The following ATRX variants were observed in gnomAD, a reference collection of about 807,000 sequenced individuals.
ATRX encodes the protein chromatin remodeler ATRX.
ATRX carries 12 observed loss-of-function variants against 172.6 expected under a neutral mutation model. That is an observed-to-expected ratio of 0.07 (90% CI 0.04 to 0.11). The LOEUF is 0.11. ATRX is among the 10% of genes least tolerant of loss of function. The probability of loss-of-function intolerance (pLI) is 1.00; values close to 1 mark genes in which losing one functional copy is unlikely to be tolerated. For missense variants in ATRX, 1,368 were observed against 1,767.4 expected (o/e 0.77, Z 4.05); for synonymous variants, 674 against 594.7 (o/e 1.13, Z -1.94).
chrX:77,612,604 A>G (rs1408821546), intron 22 of ATRX, among the ~76,000 whole-genome samples: 1 of 111,703 alleles, frequency 9.0e-6, no homozygotes, highest in African/African-American at 3.3e-5. Context: ...AATAAAATAA[A>G]AAATTTACTG....
At chrX:77,765,106 G>A (rs1218133217) in intron 1 of ATRX, among the ~76,000 whole-genome samples, 1 of 111,166 alleles carries the variant, frequency 9.0e-6, no homozygotes, top group African/African-American at 3.3e-5. Context: ...GGTGGAGGTT[G>A]CAGTGAGCCG....
intron 15 of ATRX, among the ~76,000 whole-genome samples, chrX:77,638,880 T>C (rs1246240271): frequency 8.9e-6 from 1 of 112,436 alleles, no homozygotes; most frequent in African/African-American, 3.2e-5. Context: ...CTGGGAATGA[T>C]TATCAATAGT....
At chrX:77,784,041 C>T (rs980658683) in intron 1 of ATRX, among the ~76,000 whole-genome samples, 1 of 112,163 alleles carries the variant, frequency 8.9e-6, no homozygotes, top group Non-Finnish European at 1.9e-5. Flanking sequence ...CATTGTAACA[C>T]TTGGGCTAAA....
At position 77,683,489 on chromosome X, in the gene ATRX, T is replaced by C. The variant is rs1557140822; in HGVS notation, c.1767A>G (p.Lys589=). 8.3e-7 allele frequency: 1 copy of C among 1,209,366 alleles called. No homozygotes were observed. ...TAKVTKELYV[K]LTPVSLSNSP... is the part of the protein sequence containing the mutation. ...AATTAGAAAGGGAAACAGGAGTGAGTTTAACATATAATTCTTTTGTTACTT... is the reference window on the plus strand; with the variant it reads ...AATTAGAAAGGGAAACAGGAGTGAGCTTAACATATAATTCTTTTGTTACTT... The change falls in exon 9 of 35, where the codon AAA becomes AAG. Residue 589 remains lysine (K), a synonymous_variant. Coordinates refer to ENST00000373344, the MANE Select transcript of ATRX (RefSeq NM_000489.6).
At chrX:77,533,430 G>A (rs2063647530) in intron 30 of ATRX, among the ~76,000 whole-genome samples, 1 of 112,278 alleles carries the variant, frequency 8.9e-6, no homozygotes, top group Non-Finnish European at 1.9e-5. Context: ...ATACCAGATG[G>A]TACATATACA....
chrX:77,570,544 A>C (rs1285763678), intron 28 of ATRX, among the ~76,000 whole-genome samples: 1 of 111,469 alleles, frequency 9.0e-6, no homozygotes, highest in Non-Finnish European at 1.9e-5. Flanking sequence ...ACCTTATACA[A>C]AAATTAACTC....
chrX:77,777,188 T>A (rs782171383), intron 1 of ATRX, among the ~76,000 whole-genome samples: 1 of 46,444 alleles, frequency 2.2e-5, no homozygotes, highest in African/African-American at 1.3e-4. Flanking sequence ...ACCCTGTCTC[T>A]ACTAAAAAAA....
intron 27 of ATRX, among the ~76,000 whole-genome samples, chrX:77,582,102 A>G (rs1557074276): frequency 8.9e-6 from 1 of 111,918 alleles, no homozygotes. Context: ...GTAACAAGGC[A>G]TCTTAAAGAA....
At position 77,524,633 on chromosome X, in the gene ATRX, T is replaced by A. The variant is rs148037103; in HGVS notation, c.6700-1232A>T. On this transcript the variant is annotated intron_variant, in intron 30 of 34. Coordinates refer to ENST00000373344, the MANE Select transcript of ATRX (RefSeq NM_000489.6). ...ATTCCAAATATTCTGATATTTAATATCTTGTAAACAACTTTTTATCTTGCT... is the reference window on the plus strand; with the variant it reads ...ATTCCAAATATTCTGATATTTAATAACTTGTAAACAACTTTTTATCTTGCT... Among the ~76,000 whole-genome samples the A allele has an allele frequency of 4.2e-3, 469 of 111,936 alleles. 1 individual carries two copies. Among genetic ancestry groups the A allele is most frequent in the African/African-American group, 0.014 (428 of 30,832 alleles).
intron 19 of ATRX, among the ~76,000 whole-genome samples, chrX:77,630,256 G>A (rs187495382): frequency 1.6e-3 from 179 of 111,918 alleles, no homozygotes; most frequent in African/African-American, 5.3e-3. Flanking sequence ...CTAAATAAAC[G>A]GAGAGAAATT....
chrX:77,604,384 G>A (rs952445693), intron 22 of ATRX, among the ~76,000 whole-genome samples: 1 of 112,162 alleles, frequency 8.9e-6, no homozygotes, highest in Non-Finnish European at 1.9e-5. Context: ...TGGCCAACAA[G>A]CATATGAAAA....
rs782179848 is a variant in ATRX, at chrX:77,606,714, G to A, written c.5567-6150C>T. 6.9e-5 allele frequency among the ~76,000 whole-genome samples: 7 copies of A among 100,786 alleles called. No individual in the cohort carries two copies. The South Asian group carries it at 3.4e-3, about 49-fold the overall frequency. The allele number at this position is 100,786 out of a possible 115,157, so 87.5% of individuals were successfully genotyped here. On this transcript the variant is annotated intron_variant, in intron 22 of 34. Transcript: ENST00000373344. ...GAAGAAGGAGGATCCCTTGAGCCCAGGAGTTCAAGACAAGCCTGGGCAACA... is the reference window on the plus strand; with the variant it reads ...GAAGAAGGAGGATCCCTTGAGCCCAAGAGTTCAAGACAAGCCTGGGCAACA...
At chrX:77,705,488 T>C (rs373104003) in intron 2 of ATRX, among the ~76,000 whole-genome samples, 80 of 112,269 alleles carry the variant, frequency 7.1e-4, no homozygotes, top group African/African-American at 1.4e-3. Context: ...ACCGCTGCCA[T>C]CACCAATACT....
chrX:77,761,988 T>C (rs959157062), intron 1 of ATRX, among the ~76,000 whole-genome samples: 1 of 111,055 alleles, frequency 9.0e-6, no homozygotes, highest in African/African-American at 3.3e-5. Flanking sequence ...AGCATATTAG[T>C]TTAGTGTACC....
At chrX:77,618,483 A>T (rs1557098155) in intron 21 of ATRX, among the ~76,000 whole-genome samples, 1 of 112,054 alleles carries the variant, frequency 8.9e-6, no homozygotes, top group Non-Finnish European at 1.9e-5. Flanking sequence ...GGGTGAGCAT[A>T]GGAACTTCAT....
chrX:77,600,323 T>A, intron 23 of ATRX, 111 bp downstream of exon 23: 1 of 894,379 alleles, frequency 1.1e-6, no homozygotes, highest in Non-Finnish European at 1.6e-6. Flanking sequence ...AAATAAGACA[T>A]AGAATAGAAC....
intron 27 of ATRX, among the ~76,000 whole-genome samples, chrX:77,576,706 T>C (rs1732104827): frequency 9.0e-6 from 1 of 111,363 alleles, no homozygotes; most frequent in Non-Finnish European, 1.9e-5. Context: ...GAGACAGACA[T>C]AATCCCCATA....
rs181660995 is a variant in ATRX, at chrX:77,781,428, T to A, written c.20+4554A>T. Among the ~76,000 whole-genome samples, 34 of 79,775 alleles carry A rather than the reference T, an allele frequency of 4.3e-4. 1 individual carries two copies. Among genetic ancestry groups the A allele is most frequent in the African/African-American group, 1.7e-3 (33 of 19,000 alleles). 69.3% of individuals were successfully genotyped at this position (79,775 alleles called of 115,157 possible). On this transcript the variant is annotated intron_variant, in intron 1 of 34. Transcript: ENST00000373344. ...CTGTACTCCAGCCTGGGCAACATAG[T>A]GAGACTCTGTCTCAAAAAAAAAAAA...
intron 19 of ATRX, among the ~76,000 whole-genome samples, chrX:77,626,993 A>C (rs2067886812): frequency 9.0e-6 from 1 of 111,685 alleles, no homozygotes; most frequent in African/African-American, 3.3e-5. Context: ...TGGCAGGCCA[A>C]GACGGGCGGA....
Sources: allele counts gnomAD v4.1 joint callset (sites outside exome capture counted in the v4.1 genomes callset), GRCh38; gene constraint gnomAD v4.1.1; transcripts MANE v1.5; gene names NCBI Gene and HGNC (gene_info 2026-07-23, HGNC 2026-07-21).